Variants in MMP24 observed in about 807,000 individuals in gnomAD.
MMP24 encodes the protein matrix metallopeptidase 24, also known as matrix metalloproteinase-24.
Under a neutral mutation model 62.8 loss-of-function variants are expected in MMP24, and 25 were observed. The ratio of observed to expected loss-of-function variants is 0.40; its 90% CI spans 0.29 to 0.56. The LOEUF (loss-of-function observed/expected upper bound fraction) is 0.56, where lower values mean the gene tolerates loss of function less well. Ranked by LOEUF, MMP24 falls within the 20% of genes least tolerant of loss-of-function variation. The pLI is 0.50. For missense variants in MMP24, 634 were observed against 853.6 expected (o/e 0.74, Z 3.21); for synonymous variants, 319 against 350.5 (o/e 0.91, Z 1.00).
At chr20:35,273,053 T>A (rs1200835897) in intron 8 of MMP24, among the ~76,000 whole-genome samples, 1 of 152,142 alleles carries the variant, frequency 6.6e-6, no homozygotes, top group East Asian at 1.9e-4. Context: ...TGGTGGGAGC[T>A]GGGGACGTAG....
At chr20:35,258,185 A>G (rs1186627923) in intron 4 of MMP24, among the ~76,000 whole-genome samples, 2 of 152,188 alleles carry the variant, frequency 1.3e-5, no homozygotes, top group African/African-American at 4.8e-5. Context: ...GATGTATTTT[A>G]AAGAAAATCT....
intron 4 of MMP24, among the ~76,000 whole-genome samples, chr20:35,257,410 T>C (rs896585073): frequency 6.6e-6 from 1 of 152,216 alleles, no homozygotes; most frequent in African/African-American, 2.4e-5. Context: ...TGGCTGTCTG[T>C]GCTAACAGAT....
intron 5 of MMP24, among the ~76,000 whole-genome samples, chr20:35,265,726 A>T (rs562418316): frequency 1.3e-5 from 2 of 151,822 alleles, no homozygotes; most frequent in Admixed American, 1.3e-4. Flanking sequence ...CCCCCCCAAA[A>T]ATATATTAAA....
At position 35,262,157 on chromosome 20, in the gene MMP24, T is replaced by C. The variant is rs185276933; in HGVS notation, c.818-1634T>C. ...TGGGTTGCCCCTCCACACCTGTGGG[T>C]GTTTCTCGTAAGGTGGAATGAGAGA... On this transcript the variant is annotated intron_variant, in intron 4 of 8. Transcript: ENST00000246186. 4.4e-3 allele frequency among the ~76,000 whole-genome samples: 668 copies of C among 152,144 alleles called. 3 individuals are homozygous for C. Among genetic ancestry groups the C allele is most frequent in the South Asian group, 0.011 (51 of 4,826 alleles).
At chr20:35,253,763 CCTCT>C (rs199498820) in intron 3 of MMP24, among the ~76,000 whole-genome samples, 1,896 of 152,134 alleles carry the variant, frequency 0.012, 26 homozygotes, top group African/African-American at 0.044. Flanking sequence ...CACTTAAACT[CCTCT>C]CTATTATTTG....
intron 4 of MMP24, among the ~76,000 whole-genome samples, chr20:35,262,345 C>T (rs1231511884): frequency 2.0e-5 from 3 of 152,038 alleles, no homozygotes; most frequent in African/African-American, 7.3e-5. Context: ...GTCAGGGTCA[C>T]AAGACAATTG....
At chr20:35,235,191 C>A (rs1276562270) in intron 1 of MMP24, among the ~76,000 whole-genome samples, 1 of 151,770 alleles carries the variant, frequency 6.6e-6, no homozygotes, top group East Asian at 1.9e-4. Flanking sequence ...ATCACTTGAG[C>A]CCAGGAGTTT....
rs1239957481 is a variant in MMP24, at chr20:35,246,943, T to C, written c.350T>C (p.Phe117Ser). The stretch of plus-strand genomic sequence containing the variant: ...TCGGCAGTCTCCACTATGCAGCAGT[T>C]TTACGGGATCCCGGTCACCGGTGTG... ...LQSAVSTMQQ[F>S]YGIPVTGVLD... The change falls in exon 2 of 9, where the codon TTT (phenylalanine) becomes TCT (serine). Residue 117 changes from phenylalanine to serine, a missense_variant. Phe to Ser is a radical substitution (Grantham distance 155, BLOSUM62 -2). Around this residue, in one of 3 missense-constraint regions of MMP24, gnomAD observed 212 missense variants for 259.6 expected, o/e 0.82. Coordinates refer to ENST00000246186, the MANE Select transcript of MMP24 (RefSeq NM_006690.4). 1 of 1,614,078 alleles carries C rather than the reference T, an allele frequency of 6.2e-7. No homozygotes were observed. The highest frequency in any genetic ancestry group is 1.3e-5 in the African/African-American group (1 of 75,078).
chr20:35,237,202 C>A (rs780689599), intron 1 of MMP24, among the ~76,000 whole-genome samples: 12 of 152,184 alleles, frequency 7.9e-5, no homozygotes, highest in Non-Finnish European at 1.5e-4. Context: ...TGTTTTCTTA[C>A]ATTTCTGGAG....
rs757982476 is a variant in MMP24, at chr20:35,251,934, C to A, written c.425C>A (p.Pro142His). ...EWMKKPRCGV[P>H]DHPHLSRRRR... is the part of the protein sequence containing the mutation. ...ATGAAGAAACCCCGATGTGGTGTCC[C>A]TGATCACCCCCACTTAAGCCGTAGG... Residue 142 changes from proline to histidine, a missense_variant, in exon 3 of 9, where the codon CCT becomes CAT. Coordinates refer to ENST00000246186, the MANE Select transcript of MMP24 (RefSeq NM_006690.4). 4 of 1,614,016 alleles carry A rather than the reference C, an allele frequency of 2.5e-6. No individual in the cohort carries two copies. The highest frequency in any genetic ancestry group is 2.5e-6 in the Non-Finnish European group (3 of 1,179,894).
intron 5 of MMP24, among the ~76,000 whole-genome samples, chr20:35,266,910 G>C (rs1001733721): frequency 1.3e-5 from 2 of 152,092 alleles, no homozygotes; most frequent in Admixed American, 1.3e-4. Context: ...GCGTGTGAAG[G>C]GGGCAAAGAG....
chr20:35,243,981 G>A (rs145506156), intron 1 of MMP24, among the ~76,000 whole-genome samples: 99 of 152,246 alleles, frequency 6.5e-4, no homozygotes, highest in African/African-American at 2.4e-3. Context: ...ATGTTTCAAG[G>A]CTTTATTATT....
rs759898731 is a variant in MMP24 at position 35,271,618 on chromosome 20, C to T, written c.1383C>T (p.Pro461=). ...AGGTGACGGTGGAGCCTGGGTACCC[C>T]CACAGCCTGGGGGAGCTGGGCAGCT... ...FKEVTVEPGY[P]HSLGELGSCL... is the part of the protein sequence containing the mutation. The change falls in exon 8 of 9, where the codon CCC becomes CCT. Residue 461 remains proline, a synonymous_variant. Transcript: ENST00000246186. This position sits in a 1 kb window ranked among gnomAD's most constrained non-coding sequence, Gnocchi z 4.0. 44 of 1,612,350 alleles carry T rather than the reference C, an allele frequency of 2.7e-5. No individual in the cohort carries two copies. The highest frequency in any genetic ancestry group is 3.4e-5 in the Non-Finnish European group (40 of 1,179,356).
chr20:35,240,917 A>G (rs2060485515), intron 1 of MMP24, among the ~76,000 whole-genome samples: 1 of 152,244 alleles, frequency 6.6e-6, no homozygotes, highest in African/African-American at 2.4e-5. Flanking sequence ...CATATCCATG[A>G]CTGGGTATGA....
intron 1 of MMP24, among the ~76,000 whole-genome samples, chr20:35,231,776 G>T (rs770823694): frequency 3.3e-5 from 5 of 152,196 alleles, no homozygotes; most frequent in Admixed American, 3.3e-4. Flanking sequence ...AGCAGGCCAG[G>T]CATGGTGGCT....
Position 35,274,004 on chromosome 20 carries a change from G to A in MMP24, c.1601-268G>A, listed in dbSNP as rs1309708148. On this transcript the variant is annotated intron_variant, in intron 8 of 8. Transcript: ENST00000246186. This position sits in a 1 kb window ranked among gnomAD's most constrained non-coding sequence, Gnocchi z 5.1. ...GCTTGCGTGCAAGGGGTCCTGTCTG[G>A]GCAGCACAAAGTGAACCATGTCCCA... Among the ~76,000 whole-genome samples the A allele has an allele frequency of 6.6e-6, 1 of 152,130 alleles. No homozygotes were observed. The highest frequency in any genetic ancestry group is 6.5e-5 in the Admixed American group (1 of 15,278).
At chr20:35,227,883 A>G (rs79366911) in intron 1 of MMP24, among the ~76,000 whole-genome samples, 4,777 of 152,204 alleles carry the variant, frequency 0.031, 249 homozygotes, top group African/African-American at 0.11. Flanking sequence ...GAGTGATGGA[A>G]TTGGAATTCT....
intron 2 of MMP24, among the ~76,000 whole-genome samples, chr20:35,248,624 A>G (rs548665645): frequency 3.5e-4 from 54 of 152,136 alleles, no homozygotes; most frequent in Admixed American, 2.8e-3. Context: ...CCATTATTTT[A>G]AGCATCTAAG....
chr20:35,252,826 T>G (rs1158323863), intron 3 of MMP24, among the ~76,000 whole-genome samples: 16 of 26,802 alleles, frequency 6.0e-4, no homozygotes, highest in South Asian at 1.1e-3. Context: ...CAGGCTCAGG[T>G]GGGGCTGGGG....
Sources: allele counts gnomAD v4.1 joint callset (sites outside exome capture counted in the v4.1 genomes callset), GRCh38; gene constraint gnomAD v4.1.1; regional missense constraint gnomAD v4.1.1; non-coding constraint Gnocchi (gnomAD v3.1); transcripts MANE v1.5; gene names NCBI Gene and HGNC (gene_info 2026-07-23, HGNC 2026-07-21).